The following PDGFRA variants were observed in gnomAD, a reference collection of about 807,000 sequenced individuals.
PDGFRA encodes the protein platelet-derived growth factor receptor alpha.
In PDGFRA, 25 loss-of-function variants were observed where a neutral mutation model predicts 121.5. The observed-to-expected ratio is 0.21, with a 90% CI of 0.15 to 0.29. PDGFRA has a LOEUF of 0.29. PDGFRA is among the 10% of genes least tolerant of loss of function. The pLI is 1.00. For missense variants in PDGFRA, 1,008 were observed against 1,345.1 expected (o/e 0.75, Z 3.92); for synonymous variants, 463 against 494.8 (o/e 0.94, Z 0.85).
chr4:54,274,812 C>T (rs1051114086), intron 11 of PDGFRA, 29 bp from the exon 12 acceptor site: 13 of 1,612,892 alleles, frequency 8.1e-6, no homozygotes, highest in Non-Finnish European at 1.1e-5. Context: ...TTTGGTAATT[C>T]ACCAGTTACC....
At chr4:54,290,167 C>T (rs1724551913) in intron 21 of PDGFRA, 146 bp from the exon 22 acceptor site, 3 of 704,922 alleles carry the variant, frequency 4.3e-6, no homozygotes, top group Middle Eastern at 3.1e-4. Context: ...GGATAGTTGA[C>T]ATGACTCTCC....
At chr4:54,236,869 A>G (rs897137605) in intron 1 of PDGFRA, among the ~76,000 whole-genome samples, 8 of 152,314 alleles carry the variant, frequency 5.3e-5, no homozygotes, top group African/African-American at 1.9e-4. Flanking sequence ...ATTTCTACCC[A>G]GGGAACCACT....
In PDGFRA at chr4:54,270,567, C is replaced by T. The variant is rs114447107; in HGVS notation, c.1122-66C>T. 1,186 of 856,124 alleles carry T rather than the reference C, an allele frequency of 1.4e-3. 11 individuals are homozygous for T. The African/African-American group carries it at 0.017, about 12-fold the overall frequency. The allele number at this position is 856,124 out of a possible 1,614,324, so 53.0% of individuals were successfully genotyped here. ...AAAATAAAACTTAAATTGAAGAGTACAATTGTTTAAACAATTGGAACTTAC... is the reference window on the plus strand; with the variant it reads ...AAAATAAAACTTAAATTGAAGAGTATAATTGTTTAAACAATTGGAACTTAC... On this transcript the variant is annotated intron_variant, in intron 7 of 22. Transcript: ENST00000257290.
chr4:54,254,932 G>T (rs1456062644), intron 1 of PDGFRA, among the ~76,000 whole-genome samples: 1 of 152,198 alleles, frequency 6.6e-6, no homozygotes, highest in Non-Finnish European at 1.5e-5. Flanking sequence ...GGAAGGGAGG[G>T]TTGTGTAATT....
rs969139366 is a variant in PDGFRA, at chr4:54,277,974, T to C, written c.1970T>C (p.Ile657Thr). 7 of 1,613,168 alleles carry C rather than the reference T, an allele frequency of 4.3e-6. No homozygotes were observed. In the African/African-American group the frequency reaches 9.4e-5, roughly 22 times the overall value. ...ACTCACCTGGGGCCACATTTGAACA[T>C]TGTAAACTTGCTGGGAGCCTGCACC... is the stretch of plus-strand genomic sequence containing the variant. ...IMTHLGPHLN[I>T]VNLLGACTKS... The change falls in exon 14 of 23, where the codon ATT becomes ACT. Residue 657 changes from isoleucine to threonine, a missense_variant. Physicochemically the swap from Ile to Thr is moderately conservative, Grantham distance 89. Transcript: ENST00000257290.
chr4:54,291,551 A>G (rs1338155405), intron 22 of PDGFRA, among the ~76,000 whole-genome samples: 1 of 152,228 alleles, frequency 6.6e-6, no homozygotes, highest in African/African-American at 2.4e-5. Context: ...TGATCACTAG[A>G]GAAATGCAAA....
Position 54,278,509 on chromosome 4 carries a change from C to T in PDGFRA, c.2150C>T (p.Thr717Ile), listed in dbSNP as rs1553905051. ...IFGLNPADES[T>I]RSYVILSFEN... ...GGATTGAACCCTGCTGATGAAAGCA[C>T]ACGGAGGTGGGTGCAAAGAGAGATG... The change falls in exon 15 of 23, where the codon ACA becomes ATA. Residue 717 changes from threonine to isoleucine, a missense_variant. This residue lies in a region of PDGFRA where 128 missense variants were observed against 147.6 expected (regional missense o/e 0.87). Transcript: ENST00000257290. 1 of 1,613,942 alleles carries T rather than the reference C, an allele frequency of 6.2e-7. No homozygotes were observed. The highest frequency in any genetic ancestry group is 8.5e-7 in the Non-Finnish European group (1 of 1,179,886).
At chr4:54,283,977 G>A (rs1724191700) in intron 16 of PDGFRA, among the ~76,000 whole-genome samples, 1 of 152,180 alleles carries the variant, frequency 6.6e-6, no homozygotes, top group Admixed American at 6.5e-5. Context: ...GCTATTGGAA[G>A]CAGCCAGGCC....
chr4:54,286,364 CT>C (rs1343124737), intron 18 of PDGFRA, among the ~76,000 whole-genome samples: 1 of 126,208 alleles, frequency 7.9e-6, no homozygotes, highest in Non-Finnish European at 1.8e-5. Context: ...TATTTATTTT[CT>C]TTTTTTTTGA....
chr4:54,229,362 C>G lies in PDGFRA; in HGVS notation c.-66C>G, dbSNP rs576615653. The G allele has an allele frequency of 7.5e-6, 3 of 398,436 alleles. No individual in the cohort carries two copies. The highest frequency in any genetic ancestry group is 6.2e-5 in the African/African-American group (3 of 48,604). 24.7% of individuals were successfully genotyped at this position (398,436 alleles called of 1,614,324 possible). On this transcript the variant is annotated 5_prime_UTR_variant, in exon 1 of 23. Transcript: ENST00000257290. ...AAGAGATCATTGGAGGCCGTGGGCA[C>G]GCTCTTTACTCCATGTGTGGGACAT...
At chr4:54,276,468 G>A (rs56761604) in intron 12 of PDGFRA, among the ~76,000 whole-genome samples, 2,438 of 152,182 alleles carry the variant, frequency 0.016, 45 homozygotes, top group African/African-American at 0.054. Flanking sequence ...TCCATGGGGC[G>A]GTTATAAGAG....
chr4:54,245,914 C>G (rs1458538277), intron 1 of PDGFRA, among the ~76,000 whole-genome samples: 2 of 151,866 alleles, frequency 1.3e-5, no homozygotes, highest in African/African-American at 2.4e-5. Flanking sequence ...GGTTGCAATC[C>G]TAGTCTCTGA....
intron 16 of PDGFRA, chr4:54,281,780 G>A (rs1199724336): frequency 9.8e-6 from 13 of 1,325,984 alleles, no homozygotes; most frequent in African/African-American, 1.5e-5. Context: ...CTTCTTCCTC[G>A]AAAACCCTGG....
chr4:54,270,560 A>G, intron 7 of PDGFRA, 73 bp from the exon 8 acceptor site: 3 of 815,764 alleles, frequency 3.7e-6, no homozygotes, highest in Non-Finnish European at 6.5e-6. Context: ...ACTTAAATTG[A>G]AGAGTACAAT....
At chr4:54,234,498 G>A (rs1388396866) in intron 1 of PDGFRA, among the ~76,000 whole-genome samples, 1 of 152,128 alleles carries the variant, frequency 6.6e-6, no homozygotes, top group Non-Finnish European at 1.5e-5. Flanking sequence ...CCATTAGGAA[G>A]GTGCTTTATT....
intron 1 of PDGFRA, among the ~76,000 whole-genome samples, chr4:54,250,101 A>T (rs184922384): frequency 6.6e-6 from 1 of 152,338 alleles, no homozygotes; most frequent in Admixed American, 6.5e-5. Flanking sequence ...AAGATAATGA[A>T]AGATTTTTAT....
intron 1 of PDGFRA, among the ~76,000 whole-genome samples, chr4:54,246,480 C>A (rs1277993827): frequency 2.0e-5 from 3 of 152,110 alleles, no homozygotes; most frequent in Non-Finnish European, 2.9e-5. Context: ...GGGTACATAA[C>A]GAAATGAAGG....
At position 54,289,090 on chromosome 4, in the gene PDGFRA, T is replaced by A. The variant is rs1553906497; in HGVS notation, c.2856T>A (p.Asn952Lys). ...SFYHLSEIVE[N>K]LLPGQYKKSY... Reference sequence around the variant, plus strand: ...ACCACCTGAGTGAGATTGTGGAGAATCTGCTGCCTGGACAATATAAAAAGG... The same window carrying A: ...ACCACCTGAGTGAGATTGTGGAGAAACTGCTGCCTGGACAATATAAAAAGG... The change falls in exon 21 of 23, where the codon AAT becomes AAA. Residue 952 changes from asparagine to lysine, a missense_variant. Transcript: ENST00000257290. 6.3e-7 allele frequency: 1 copy of A among 1,598,898 alleles called. No individual in the cohort carries two copies. The highest frequency in any genetic ancestry group is 8.6e-7 in the Non-Finnish European group (1 of 1,166,326).
In PDGFRA at chr4:54,260,249, A is replaced by G. The variant is rs192168865; in HGVS notation, c.50-846A>G. 4.0e-3 allele frequency among the ~76,000 whole-genome samples: 614 copies of G among 152,080 alleles called. 4 individuals carry two copies. Among genetic ancestry groups the G allele is most frequent in the African/African-American group, 0.014 (584 of 41,496 alleles). On this transcript the variant is annotated intron_variant, in intron 2 of 22. Coordinates refer to ENST00000257290, the MANE Select transcript of PDGFRA (RefSeq NM_006206.6). The stretch of plus-strand genomic sequence containing the variant: ...AAGAAATAAATAAACAAATAAATCC[A>G]CATCATCCTGCTTTGGCCCTGGAAG...
Sources: allele counts gnomAD v4.1 joint callset (sites outside exome capture counted in the v4.1 genomes callset), GRCh38; gene constraint gnomAD v4.1.1; regional missense constraint gnomAD v4.1.1; transcripts MANE v1.5; gene names NCBI Gene and HGNC (gene_info 2026-07-23, HGNC 2026-07-21).